Variants in LRRC4C observed in about 807,000 individuals in gnomAD.
LRRC4C encodes leucine-rich repeat-containing protein 4C.
LRRC4C carries 5 observed loss-of-function variants against 33.6 expected under a neutral mutation model. That is an observed-to-expected ratio of 0.15 (90% confidence interval 0.08 to 0.31). LRRC4C has a LOEUF of 0.31. LRRC4C is among the 10% of genes least tolerant of loss of function. LRRC4C has a pLI of 1.00. For missense variants in LRRC4C, 560 were observed against 796.7 expected (o/e 0.70, Z 3.58); for synonymous variants, 329 against 302.0 (o/e 1.09, Z -0.93).
At chr11:40,570,444 C>A (rs1216050939) in intron 3 of LRRC4C, among the ~76,000 whole-genome samples, 1 of 152,128 alleles carries the variant, frequency 6.6e-6, no homozygotes, top group African/African-American at 2.4e-5. Flanking sequence ...TGTGATCCTG[C>A]TCACAATACA....
intron 5 of LRRC4C, among the ~76,000 whole-genome samples, chr11:40,222,202 A>T (rs1864471328): frequency 6.6e-6 from 1 of 152,066 alleles, no homozygotes; most frequent in Non-Finnish European, 1.5e-5. Flanking sequence ...CATGACTGAC[A>T]CTCAGGAGTT....
intron 1 of LRRC4C, among the ~76,000 whole-genome samples, chr11:41,086,765 T>G (rs1940020788): frequency 6.6e-6 from 1 of 152,114 alleles, no homozygotes; most frequent in Non-Finnish European, 1.5e-5. Flanking sequence ...AGACTAACTT[T>G]ATAAGATGTT....
intron 2 of LRRC4C, among the ~76,000 whole-genome samples, chr11:40,818,980 T>C (rs1226093952): frequency 1.3e-5 from 2 of 152,112 alleles, no homozygotes; most frequent in Non-Finnish European, 2.9e-5. Context: ...ATAATGCCTA[T>C]ATATATCCTG....
chr11:40,387,753 ACT>A (rs1364710051), intron 3 of LRRC4C, among the ~76,000 whole-genome samples: 1 of 151,864 alleles, frequency 6.6e-6, no homozygotes, highest in Non-Finnish European at 1.5e-5. Context: ...TAATGAATAA[ACT>A]CTCTTTTTAC....
At chr11:41,104,107 T>C (rs571370154) in intron 1 of LRRC4C, among the ~76,000 whole-genome samples, 13 of 151,868 alleles carry the variant, frequency 8.6e-5, no homozygotes, top group Admixed American at 8.6e-4. Context: ...ACTGGATAAA[T>C]TGGGTATTAT....
chr11:41,163,306 C>G (rs1944566317), intron 1 of LRRC4C, among the ~76,000 whole-genome samples: 1 of 3,030 alleles, frequency 3.3e-4, no homozygotes, highest in African/African-American at 4.4e-4. Context: ...TTTTTTCAAA[C>G]AGGGTCTTGC....
chr11:40,479,759 A>G (rs1177964293), intron 3 of LRRC4C, among the ~76,000 whole-genome samples: 2 of 151,946 alleles, frequency 1.3e-5, no homozygotes, highest in South Asian at 2.1e-4. Context: ...CAAGATTTTC[A>G]TTAAAAAAAT....
Position 40,771,706 on chromosome 11 carries a change from G to A in LRRC4C, c.-406-123428C>T, listed in dbSNP as rs1481912123. Reference sequence around the variant, plus strand: ...AGTTCCATAGGTCTCTAGGGCAGGGGCAAAATGCTGCCAATCTCTTTGCTA... The same window carrying A: ...AGTTCCATAGGTCTCTAGGGCAGGGACAAAATGCTGCCAATCTCTTTGCTA... On this transcript the variant is annotated intron_variant, in intron 2 of 6. Coordinates refer to ENST00000528697, the MANE Select transcript of LRRC4C (RefSeq NM_001258419.2). 4.6e-5 allele frequency among the ~76,000 whole-genome samples: 7 copies of A among 152,060 alleles called. No homozygotes were observed. The East Asian group carries it at 1.4e-3, about 29-fold the overall frequency.
intron 2 of LRRC4C, among the ~76,000 whole-genome samples, chr11:40,795,947 T>C (rs1950806349): frequency 6.6e-6 from 1 of 152,130 alleles, no homozygotes; most frequent in Non-Finnish European, 1.5e-5. Flanking sequence ...AACTAATAAT[T>C]GAGGGAAAAA....
chr11:40,135,321 GA>G (rs1011626795), intron 6 of LRRC4C, among the ~76,000 whole-genome samples: 1 of 152,132 alleles, frequency 6.6e-6, no homozygotes, highest in Non-Finnish European at 1.5e-5. Context: ...GTGAATATTG[GA>G]ACCAAGTTTT....
chr11:41,226,410 C>G (rs548378212), intron 1 of LRRC4C, among the ~76,000 whole-genome samples: 1 of 152,058 alleles, frequency 6.6e-6, no homozygotes, highest in Non-Finnish European at 1.5e-5. Flanking sequence ...CAAAGATAAC[C>G]AAAATAACAC....
chr11:40,748,037 C>T (rs1948509027), intron 2 of LRRC4C, among the ~76,000 whole-genome samples: 1 of 152,122 alleles, frequency 6.6e-6, no homozygotes. Flanking sequence ...GAGCATTAGA[C>T]ACTCATTACA....
chr11:40,312,465 T>G (rs573093563), intron 4 of LRRC4C, among the ~76,000 whole-genome samples: 1 of 152,354 alleles, frequency 6.6e-6, no homozygotes, highest in Non-Finnish European at 1.5e-5. Context: ...CATGGGAATT[T>G]ATTCACATCA....
At chr11:40,267,291 G>A (rs1405947361) in intron 4 of LRRC4C, among the ~76,000 whole-genome samples, 1 of 152,108 alleles carries the variant, frequency 6.6e-6, no homozygotes, top group African/African-American at 2.4e-5. Context: ...ATTAGTGAGT[G>A]GTAATTCATT....
At chr11:41,427,759 A>C (rs1319736820) in intron 1 of LRRC4C, among the ~76,000 whole-genome samples, 1 of 152,162 alleles carries the variant, frequency 6.6e-6, no homozygotes, top group Non-Finnish European at 1.5e-5. Context: ...GAAGAATCAC[A>C]AAAGAAATGA....
chr11:40,381,688 G>A (rs1948872604), intron 3 of LRRC4C, among the ~76,000 whole-genome samples: 1 of 151,894 alleles, frequency 6.6e-6, no homozygotes, highest in Non-Finnish European at 1.5e-5. Context: ...CTGTAACAAA[G>A]CCACCTCTAT....
intron 1 of LRRC4C, among the ~76,000 whole-genome samples, chr11:41,371,091 T>A (rs1952730055): frequency 6.6e-6 from 1 of 152,220 alleles, no homozygotes; most frequent in Non-Finnish European, 1.5e-5. Context: ...GCTGAAATAT[T>A]GTTTCTCAAA....
chr11:40,597,451 C>G (rs1591229267), intron 3 of LRRC4C, among the ~76,000 whole-genome samples: 1 of 152,064 alleles, frequency 6.6e-6, no homozygotes, highest in African/African-American at 2.4e-5. Context: ...CTTCAGAGTT[C>G]CATAATCTCT....
intron 1 of LRRC4C, among the ~76,000 whole-genome samples, chr11:41,387,295 G>T (rs1459514011): frequency 6.6e-6 from 1 of 151,724 alleles, no homozygotes; most frequent in Admixed American, 6.6e-5. Context: ...AATGGAGAAA[G>T]ATTAGATGTA....
Sources: allele counts gnomAD v4.1 joint callset (sites outside exome capture counted in the v4.1 genomes callset), GRCh38; gene constraint gnomAD v4.1.1; transcripts MANE v1.5; gene names NCBI Gene and HGNC (gene_info 2026-07-23, HGNC 2026-07-21).